Variants in THSD7A observed in about 807,000 individuals in gnomAD.
THSD7A encodes the protein thrombospondin type 1 domain containing 7A, also known as thrombospondin type-1 domain-containing protein 7A.
A neutral mutation model predicts 231.3 loss-of-function variants in THSD7A; 96 were observed. The ratio of observed to expected loss-of-function variants is 0.41; its 90% CI spans 0.35 to 0.49. THSD7A has a LOEUF of 0.49. THSD7A is among the 20% of genes least tolerant of loss of function. The pLI, the probability that THSD7A is intolerant of heterozygous loss-of-function variation, is 0.05. For synonymous variants in THSD7A, 940 were observed against 743.3 expected (o/e 1.26, Z -4.30); for missense variants, 2,290 against 2,070.2 (o/e 1.11, Z -2.06).
chr7:11,633,039 A>AT (rs1458227298), intron 2 of THSD7A, among the ~76,000 whole-genome samples: 2 of 151,952 alleles, frequency 1.3e-5, no homozygotes, highest in Non-Finnish European at 2.9e-5. Context: ...ATATTTTTCC[A>AT]TTTTTTATTG....
Position 11,831,858 on chromosome 7 carries a change from A to G in THSD7A, c.89T>C (p.Leu30Pro), listed in dbSNP as rs770293271. 7.7e-7 allele frequency: 1 copy of G among 1,304,490 alleles called. No homozygotes were observed. The allele number at this position is 1,304,490 out of a possible 1,614,324, so 80.8% of individuals were successfully genotyped here. A position where few individuals can be genotyped will look rare whatever the true frequency, so the allele number is the denominator to read the frequency against. Residue 30 changes from leucine to proline, a missense_variant, in exon 1 of 28, where the codon CTG becomes CCG. Coordinates refer to ENST00000423059, the MANE Select transcript of THSD7A (RefSeq NM_015204.3). This position sits in a 1 kb window ranked among gnomAD's most constrained non-coding sequence, Gnocchi z 5.0. ...RGVLQLLPLP[L>P]PLPLLLLLLL... ...CAGCAGCAGGAGCAGCGGCAGCGGC[A>G]GCGGCAGCGGCAGCAGCTGCAGGAC... is the stretch of plus-strand genomic sequence containing the variant.
intron 17 of THSD7A, among the ~76,000 whole-genome samples, chr7:11,414,561 C>T (rs1432321701): frequency 2.0e-5 from 3 of 152,180 alleles, no homozygotes; most frequent in Non-Finnish European, 4.4e-5. Flanking sequence ...CTGCAGGCTG[C>T]AACCCTTTAT....
intron 1 of THSD7A, among the ~76,000 whole-genome samples, chr7:11,731,576 T>C (rs545222855): frequency 6.6e-6 from 1 of 151,806 alleles, no homozygotes; most frequent in African/African-American, 2.4e-5. Flanking sequence ...AAGACAATTT[T>C]TTACTGTTTT....
rs1782572720 is a variant in THSD7A at position 11,653,184 on chromosome 7, G to A, written c.191-16223C>T. Among the ~76,000 whole-genome samples, 7 of 151,794 alleles carry A rather than the reference G, an allele frequency of 4.6e-5. No homozygotes were observed. In the South Asian group the frequency reaches 1.2e-3, roughly 27 times the overall value. ...AGTTATTTTACTGACTATTTTTATA[G>A]TTATTGTATTTTTGTTTAGTTATTT... On this transcript the variant is annotated intron_variant, in intron 1 of 27. Coordinates refer to ENST00000423059, the MANE Select transcript of THSD7A (RefSeq NM_015204.3).
intron 2 of THSD7A, among the ~76,000 whole-genome samples, chr7:11,630,766 A>G (rs1461179800): frequency 6.6e-6 from 1 of 152,242 alleles, no homozygotes; most frequent in Non-Finnish European, 1.5e-5. Flanking sequence ...AAAAGTAGGC[A>G]CTACATCCAT....
intron 6 of THSD7A, among the ~76,000 whole-genome samples, chr7:11,526,004 C>T (rs1312686557): frequency 6.6e-6 from 1 of 152,184 alleles, no homozygotes; most frequent in Non-Finnish European, 1.5e-5. Flanking sequence ...ATGGTTTAGT[C>T]TAAAGAAAGA....
At chr7:11,739,196 C>T (rs936312003) in intron 1 of THSD7A, among the ~76,000 whole-genome samples, 4 of 151,894 alleles carry the variant, frequency 2.6e-5, no homozygotes, top group African/African-American at 7.2e-5. Context: ...TAAGAACATA[C>T]TTTAAGAAGC....
At chr7:11,701,187 T>C (rs1197689010) in intron 1 of THSD7A, among the ~76,000 whole-genome samples, 1 of 151,272 alleles carries the variant, frequency 6.6e-6, no homozygotes. Context: ...CAAGTGTGTG[T>C]GTGTGTGTTT....
intron 22 of THSD7A, among the ~76,000 whole-genome samples, chr7:11,405,804 T>C (rs1472416563): frequency 1.3e-5 from 2 of 152,228 alleles, no homozygotes; most frequent in African/African-American, 4.8e-5. Flanking sequence ...AAGACTTTAC[T>C]AATTATTTTT....
intron 2 of THSD7A, among the ~76,000 whole-genome samples, chr7:11,604,774 C>A (rs995265022): frequency 6.6e-6 from 1 of 152,038 alleles, no homozygotes; most frequent in African/African-American, 2.4e-5. Flanking sequence ...ACATTAATTT[C>A]TTGACTTGAT....
intron 1 of THSD7A, among the ~76,000 whole-genome samples, chr7:11,790,947 T>A (rs911863563): frequency 6.6e-6 from 1 of 151,926 alleles, no homozygotes; most frequent in Non-Finnish European, 1.5e-5. Context: ...AAGAACAAAA[T>A]CCGTTATAGA....
chr7:11,736,572 T>C (rs890995453), intron 1 of THSD7A, among the ~76,000 whole-genome samples: 3 of 152,000 alleles, frequency 2.0e-5, no homozygotes, highest in Non-Finnish European at 4.4e-5. Flanking sequence ...AAAGCTATTG[T>C]AAGGCTATAA....
chr7:11,713,043 A>G (rs941010684), intron 1 of THSD7A, among the ~76,000 whole-genome samples: 1 of 151,174 alleles, frequency 6.6e-6, no homozygotes, highest in African/African-American at 2.4e-5. Flanking sequence ...GACCATGCAT[A>G]TGCAAAGAGT....
At chr7:11,799,379 T>C (rs761626547) in intron 1 of THSD7A, among the ~76,000 whole-genome samples, 5 of 152,226 alleles carry the variant, frequency 3.3e-5, no homozygotes, top group Non-Finnish European at 7.3e-5. Flanking sequence ...TGACTTAATA[T>C]GTAAATCATA....
intron 15 of THSD7A, 97 bp downstream of exon 15, chr7:11,426,567 CAT>C: frequency 7.7e-7 from 1 of 1,293,960 alleles, no homozygotes; most frequent in Non-Finnish European, 1.0e-6. Context: ...CCCTGTAAAA[CAT>C]AAAAGACAAA....
In THSD7A at chr7:11,411,296, T is replaced by G. The variant is rs1783776674; in HGVS notation, c.3709A>C (p.Lys1237Gln). The change falls in exon 19 of 28, where the codon AAG becomes CAG. Residue 1237 changes from lysine to glutamine, a missense_variant. Transcript: ENST00000423059. The surrounding 1 kb of genome is among the most constrained non-coding windows in gnomAD (Gnocchi z 4.1). The stretch of plus-strand genomic sequence containing the variant: ...TTTATTCCATTTCCACAAACTGCCT[T>G]CTCACTCAGCTGACATGTACTCCAG... Reference protein sequence around the residue: ...TDWSTCQLSEKAVCGNGIKTR... With the variant: ...TDWSTCQLSEQAVCGNGIKTR... 6.2e-7 allele frequency: 1 copy of G among 1,613,610 alleles called. No homozygotes were observed. The highest frequency in any genetic ancestry group is 8.5e-7 in the Non-Finnish European group (1 of 1,179,752).
intron 23 of THSD7A, among the ~76,000 whole-genome samples, chr7:11,386,263 C>CTGGTTCTAGA: frequency 6.6e-6 from 1 of 151,756 alleles, no homozygotes; most frequent in South Asian, 2.1e-4. Context: ...AATGGTGTTC[C>CTGGTTCTAGA]TGGTTCTAGA....
At chr7:11,715,740 T>G (rs972231763) in intron 1 of THSD7A, among the ~76,000 whole-genome samples, 4 of 151,486 alleles carry the variant, frequency 2.6e-5, no homozygotes, top group African/African-American at 9.7e-5. Context: ...ACCCCCATCC[T>G]TATTTCACTG....
chr7:11,650,235 T>C (rs1782440894), intron 1 of THSD7A, among the ~76,000 whole-genome samples: 1 of 152,056 alleles, frequency 6.6e-6, no homozygotes, highest in Non-Finnish European at 1.5e-5. Context: ...TCATCCAGTT[T>C]TGTTCTACTT....
Sources: gnomAD v4.1 joint callset for allele counts (sites outside exome capture counted in the v4.1 genomes callset) on GRCh38, gnomAD v4.1.1 for gene constraint, Gnocchi (gnomAD v3.1) non-coding constraint, MANE v1.5 for transcripts, NCBI Gene and HGNC (gene_info 2026-07-23, HGNC 2026-07-21) for gene names.